The following RANBP9 variants were observed in gnomAD, a reference collection of about 807,000 sequenced individuals.
RANBP9 encodes ran-binding protein 9.
In RANBP9, 15 loss-of-function variants were observed where a neutral mutation model predicts 84.3. The observed-to-expected ratio is 0.18, with a 90% CI of 0.12 to 0.27. The LOEUF is 0.27. RANBP9 is among the 10% of genes least tolerant of loss of function. The pLI, the probability that RANBP9 is intolerant of heterozygous loss-of-function variation, is 1.00. For synonymous variants in RANBP9, 392 were observed against 349.6 expected, an observed-to-expected ratio of 1.12 and a Z score of -1.35; for missense variants, 809 against 912.8, an observed-to-expected ratio of 0.89 and a Z score of 1.46.
chr6:13,626,116 T>A (rs921097838), intron 12 of RANBP9, among the ~76,000 whole-genome samples: 1 of 152,232 alleles, frequency 6.6e-6, no homozygotes, highest in African/African-American at 2.4e-5. Flanking sequence ...ACTACTGATA[T>A]GAATGTGACA....
chr6:13,710,404 C>T (rs1758244214), intron 1 of RANBP9, among the ~76,000 whole-genome samples: 2 of 152,098 alleles, frequency 1.3e-5, no homozygotes, highest in Non-Finnish European at 2.9e-5. Context: ...AAACTTGGGC[C>T]CCTTGTCCTT....
chr6:13,711,083 G>T lies in RANBP9; in HGVS notation c.423C>A (p.Asn141Lys), dbSNP rs1217049324. The T allele has an allele frequency of 1.3e-6, 2 of 1,575,960 alleles. No homozygotes were observed. The highest frequency in any genetic ancestry group is 1.4e-5 in the African/African-American group (1 of 73,818). The stretch of plus-strand genomic sequence containing the variant: ...GCCGCTGCAACTCCTTCTCCTGCTC[G>T]TTCAGGGCCGAGTCCCCGTGAGGGA... Reference protein sequence around the residue: ...APFPHGDSALNEQEKELQRRL... With the variant: ...APFPHGDSALKEQEKELQRRL... Residue 141 changes from asparagine to lysine, a missense_variant, in exon 1 of 14, where the codon AAC (asparagine) becomes AAA (lysine). This residue lies in a region of RANBP9 where 302 missense variants were observed against 240.1 expected (regional missense o/e 1.26). Transcript: ENST00000011619.
At chr6:13,657,957 A>G (rs1765442355) in intron 3 of RANBP9, among the ~76,000 whole-genome samples, 1 of 152,316 alleles carries the variant, frequency 6.6e-6, no homozygotes, top group South Asian at 2.1e-4. Context: ...TGACATTGAC[A>G]GTTTTGCCTT....
chr6:13,634,360 T>G, intron 11 of RANBP9, 71 bp downstream of exon 11: 1 of 1,525,946 alleles, frequency 6.6e-7, no homozygotes, highest in African/African-American at 1.4e-5. Context: ...CAGCTGTGAA[T>G]CAGTACAAGT....
intron 1 of RANBP9, 40 bp downstream of exon 1, chr6:13,710,895 G>GTCAGTGCC (rs1561701281): frequency 1.3e-6 from 2 of 1,554,228 alleles, no homozygotes; most frequent in East Asian, 4.9e-5. Context: ...GCCACGTCGG[G>GTCAGTGCC]TCAGTGCCCC....
chr6:13,685,907 G>A (rs1416013356), intron 2 of RANBP9, among the ~76,000 whole-genome samples: 2 of 149,684 alleles, frequency 1.3e-5, no homozygotes, highest in Non-Finnish European at 3.0e-5. Flanking sequence ...CTCCAGCCTG[G>A]CAACAGAGCG....
At chr6:13,635,407 A>C (rs990791780) in intron 10 of RANBP9, among the ~76,000 whole-genome samples, 1 of 152,208 alleles carries the variant, frequency 6.6e-6, no homozygotes, top group Non-Finnish European at 1.5e-5. Flanking sequence ...TAATAATTAT[A>C]CAATCTAGAA....
At chr6:13,648,591 G>A (rs1765226037) in intron 5 of RANBP9, among the ~76,000 whole-genome samples, 1 of 152,136 alleles carries the variant, frequency 6.6e-6, no homozygotes, top group African/African-American at 2.4e-5. Context: ...GAAAAGAATA[G>A]GAAAACATTT....
At position 13,693,512 on chromosome 6, in the gene RANBP9, C is replaced by T. The variant is rs532993933; in HGVS notation, c.683+3273G>A. ...CTGCAATCCCAGAACTTTTGGAGGC[C>T]GAGGCGGACAGATCACCTGAGCTCA... On this transcript the variant is annotated intron_variant, in intron 2 of 13. Transcript: ENST00000011619. Among the ~76,000 whole-genome samples, 6 of 152,054 alleles carry T rather than the reference C, an allele frequency of 3.9e-5. No homozygotes were observed. In the South Asian group the frequency reaches 6.2e-4, roughly 16 times the overall value.
At chr6:13,626,064 G>C (rs982381429) in intron 12 of RANBP9, among the ~76,000 whole-genome samples, 2 of 152,226 alleles carry the variant, frequency 1.3e-5, no homozygotes, top group Non-Finnish European at 2.9e-5. Flanking sequence ...TGTAGGGAGA[G>C]TGGAAGGCAA....
At position 13,681,120 on chromosome 6, in the gene RANBP9, C is replaced by T. The variant is rs148776371; in HGVS notation, c.683+15665G>A. 3.3e-3 allele frequency among the ~76,000 whole-genome samples: 508 copies of T among 152,282 alleles called. 2 individuals carry two copies. Among genetic ancestry groups the T allele is most frequent in the African/African-American group, 0.012 (494 of 41,552 alleles). On this transcript the variant is annotated intron_variant, in intron 2 of 13. Transcript: ENST00000011619. ...AGCAATGACCTACTGATACACTCAA[C>T]TACCTGGATGAGTATCACATGCATC...
chr6:13,662,492 C>T (rs138188485), intron 2 of RANBP9, among the ~76,000 whole-genome samples: 3 of 152,216 alleles, frequency 2.0e-5, no homozygotes, highest in African/African-American at 7.2e-5. Context: ...TGTTGAAACC[C>T]GGTCCCTAAT....
At chr6:13,676,549 C>T (rs1765889555) in intron 2 of RANBP9, among the ~76,000 whole-genome samples, 1 of 151,830 alleles carries the variant, frequency 6.6e-6, no homozygotes, top group Non-Finnish European at 1.5e-5. Flanking sequence ...ATGCAAATAT[C>T]CTCAATAAAG....
rs949412853 is a variant in RANBP9 at position 13,696,407 on chromosome 6, A to C, written c.683+378T>G. Reference sequence around the variant, plus strand: ...GCTGAAACCTAAAATTCTAAGTCCAACATCTGTAAAATACCTATGAATCAC... The same window carrying C: ...GCTGAAACCTAAAATTCTAAGTCCACCATCTGTAAAATACCTATGAATCAC... On this transcript the variant is annotated intron_variant, in intron 2 of 13. Coordinates refer to ENST00000011619, the MANE Select transcript of RANBP9 (RefSeq NM_005493.3). Among the ~76,000 whole-genome samples, 8 of 152,306 alleles carry C rather than the reference A, an allele frequency of 5.3e-5. No individual in the cohort carries two copies. The East Asian group carries it at 7.7e-4, about 15-fold the overall frequency.
intron 2 of RANBP9, among the ~76,000 whole-genome samples, chr6:13,693,322 ATT>A (rs566315229): frequency 9.2e-5 from 14 of 152,218 alleles, no homozygotes; most frequent in Non-Finnish European, 2.1e-4. Context: ...ATAATTAGTC[ATT>A]AGGGAAATAT....
At chr6:13,676,437 A>G (rs1765887607) in intron 2 of RANBP9, among the ~76,000 whole-genome samples, 1 of 152,118 alleles carries the variant, frequency 6.6e-6, no homozygotes, top group Non-Finnish European at 1.5e-5. Flanking sequence ...CAGAGGGTAC[A>G]CTTTCTAAGT....
intron 10 of RANBP9, among the ~76,000 whole-genome samples, chr6:13,635,155 C>CGA: frequency 6.6e-6 from 1 of 152,262 alleles, no homozygotes; most frequent in South Asian, 2.1e-4. Flanking sequence ...CCCTTTTCAC[C>CGA]ACACGACAGA....
chr6:13,633,944 TG>T (rs1305456365), intron 11 of RANBP9, among the ~76,000 whole-genome samples: 995 of 6,202 alleles, frequency 0.16, 6 homozygotes, highest in African/African-American at 0.34. Context: ...TTGTTGGTGG[TG>T]GGGTTTTTTT....
intron 2 of RANBP9, among the ~76,000 whole-genome samples, chr6:13,689,127 A>G (rs534028860): frequency 2.0e-5 from 3 of 152,158 alleles, no homozygotes; most frequent in South Asian, 2.1e-4. Flanking sequence ...ACTGTACTAC[A>G]GCCTGGGTGA....
Sources: allele counts gnomAD v4.1 joint callset (sites outside exome capture counted in the v4.1 genomes callset), GRCh38; gene constraint gnomAD v4.1.1; regional missense constraint gnomAD v4.1.1; transcripts MANE v1.5; gene names NCBI Gene and HGNC (gene_info 2026-07-23, HGNC 2026-07-21).